Variants in PTDSS2 observed in about 807,000 individuals in gnomAD.
The protein encoded by PTDSS2 is PSS-2.
PTDSS2 carries 41 observed loss-of-function variants against 64.7 expected under a neutral mutation model. The ratio of observed to expected loss-of-function variants is 0.63; its 90% CI spans 0.49 to 0.82. The LOEUF (loss-of-function observed/expected upper bound fraction) is 0.82, where lower values mean the gene tolerates loss of function less well. Ranked by LOEUF, PTDSS2 falls within the 40% of genes least tolerant of loss-of-function variation. The pLI is 0.00. For synonymous variants in PTDSS2, 297 were observed against 277.8 expected (o/e 1.07, Z -0.69); for missense variants, 485 against 650.0 (o/e 0.75, Z 2.76).
chr11:489,820 G>C, intron 10 of PTDSS2, 63 bp from the exon 11 acceptor site: 1 of 1,548,582 alleles, frequency 6.5e-7, no homozygotes, highest in Non-Finnish European at 8.7e-7. Flanking sequence ...GCCGGAGCCT[G>C]GGCAAGTCCG....
chr11:486,723 C>T (rs1337787956), intron 4 of PTDSS2, among the ~76,000 whole-genome samples: 3 of 152,178 alleles, frequency 2.0e-5, no homozygotes, highest in Admixed American at 2.0e-4. Context: ...TGGCGGGCGC[C>T]TGTAGTCCCA....
At chr11:484,990 T>C (rs1486869313) in intron 4 of PTDSS2, among the ~76,000 whole-genome samples, 2 of 140,472 alleles carry the variant, frequency 1.4e-5, no homozygotes, top group Admixed American at 1.4e-4. Flanking sequence ...CACGGGCACG[T>C]GTGCTCACTG....
At chr11:459,590 G>C (rs1846778176) in intron 1 of PTDSS2, 1 of 153,034 alleles carries the variant, frequency 6.5e-6, no homozygotes, top group Non-Finnish European at 1.5e-5. Flanking sequence ...GGCTGGTTGT[G>C]GGCTTTTCCA....
intron 8 of PTDSS2, 80 bp downstream of exon 8, chr11:488,727 C>G: frequency 9.6e-7 from 1 of 1,044,176 alleles, no homozygotes; most frequent in South Asian, 1.3e-5. Flanking sequence ...CCAGCAGACC[C>G]CGAGCACCAG....
intron 3 of PTDSS2, among the ~76,000 whole-genome samples, chr11:474,675 G>A (rs1847639954): frequency 6.6e-6 from 1 of 152,244 alleles, no homozygotes; most frequent in Non-Finnish European, 1.5e-5. Context: ...TCAGGCTTCT[G>A]TAGGGTCGGT....
chr11:475,267 T>TTGTGATACGGCCATATTCACGCGTTTG (rs1299824249), intron 3 of PTDSS2, among the ~76,000 whole-genome samples: 1 of 149,108 alleles, frequency 6.7e-6, no homozygotes, highest in Admixed American at 6.6e-5. Context: ...ATTCACGCGT[T>TTGTGATACGGCCATATTCACGCGTTTG]TGTGATACGG....
At position 488,249 on chromosome 11, in the gene PTDSS2, C is replaced by G; in HGVS notation, c.672C>G (p.Phe224Leu). The G allele has an allele frequency of 6.2e-7, 1 of 1,613,568 alleles. No individual in the cohort carries two copies. Among genetic ancestry groups the G allele is most frequent in the Non-Finnish European group, 8.5e-7 (1 of 1,179,926 alleles). Residue 224 changes from phenylalanine to leucine, a missense_variant, in exon 7 of 12, where the codon TTC (phenylalanine) becomes TTG (leucine). By Grantham distance (22) the Phe-to-Leu change is conservative (BLOSUM62 0). Transcript: ENST00000308020. ...TGTGCATGATCATCAGCGTGATGTT[C>G]GAGTTCCTGGAGTACAGCCTGGAGC... ...WWMCMIISVM[F>L]EFLEYSLEHQ...
chr11:469,753 C>G (rs1250259319), intron 2 of PTDSS2, among the ~76,000 whole-genome samples: 1 of 152,084 alleles, frequency 6.6e-6, no homozygotes, highest in Non-Finnish European at 1.5e-5. Context: ...CTAGTGCCCT[C>G]CAGTCCACGG....
intron 2 of PTDSS2, among the ~76,000 whole-genome samples, chr11:473,237 C>G (rs1847563597): frequency 6.6e-6 from 1 of 152,262 alleles, no homozygotes; most frequent in African/African-American, 2.4e-5. Flanking sequence ...TCCCGTGAAC[C>G]TGCATCTTTG....
Position 456,035 on chromosome 11 carries a change from C to T in PTDSS2, c.183-4152C>T, listed in dbSNP as rs188558454. On this transcript the variant is annotated intron_variant, in intron 1 of 11. Coordinates refer to ENST00000308020, the MANE Select transcript of PTDSS2 (RefSeq NM_030783.3). ...GACTTGCCTGCGGGCACCACGCACA[C>T]GGCATGAAGGTGCCCTGGCCCGGGG... is the stretch of plus-strand genomic sequence containing the variant. Among the ~76,000 whole-genome samples the T allele has an allele frequency of 1.8e-3, 270 of 152,326 alleles. 1 individual carries two copies. The highest frequency in any genetic ancestry group is 2.6e-3 in the Non-Finnish European group (176 of 68,024).
chr11:452,195 T>G (rs1334466841), intron 1 of PTDSS2, among the ~76,000 whole-genome samples: 1 of 152,256 alleles, frequency 6.6e-6, no homozygotes, highest in Non-Finnish European at 1.5e-5. Context: ...GAGACCAGAC[T>G]GGCTCTTCTT....
At chr11:484,945 G>A (rs1252215897) in intron 4 of PTDSS2, among the ~76,000 whole-genome samples, 3 of 148,818 alleles carry the variant, frequency 2.0e-5, no homozygotes, top group Non-Finnish European at 3.0e-5. Context: ...ACGGGCGCGT[G>A]TGTGCTCACT....
chr11:484,613 G>A (rs567904017), intron 4 of PTDSS2, among the ~76,000 whole-genome samples: 2 of 151,920 alleles, frequency 1.3e-5, no homozygotes, highest in South Asian at 2.1e-4. Context: ...TGCTCACTGC[G>A]CAGGCATCTG....
At chr11:480,956 C>T (rs181764848) in intron 4 of PTDSS2, among the ~76,000 whole-genome samples, 30 of 152,010 alleles carry the variant, frequency 2.0e-4, no homozygotes, top group Admixed American at 1.6e-3. Flanking sequence ...TGGTCGCGGG[C>T]GCCTGTAGTC....
At chr11:451,523 G>A (rs1399906969) in intron 1 of PTDSS2, 16 of 322,808 alleles carry the variant, frequency 5.0e-5, no homozygotes, top group South Asian at 2.0e-4. Flanking sequence ...TGGAAGGCCC[G>A]GGGGCACAGG....
chr11:457,008 A>G (rs972491111), intron 1 of PTDSS2, among the ~76,000 whole-genome samples: 3 of 152,228 alleles, frequency 2.0e-5, no homozygotes, highest in African/African-American at 7.2e-5. Context: ...TGGGAGGCCA[A>G]GGTGGGCAGA....
At position 450,602 on chromosome 11, in the gene PTDSS2, C is replaced by T; in HGVS notation, c.147C>T (p.Ser49=). 8.0e-7 allele frequency: 1 copy of T among 1,243,712 alleles called. No individual in the cohort carries two copies. The highest frequency in any genetic ancestry group is 1.0e-6 in the Non-Finnish European group (1 of 986,342). The allele number at this position is 1,243,712 out of a possible 1,614,324, so 77.0% of individuals were successfully genotyped here. The part of the protein sequence containing the change: ...GPGEGRRSTE[S]EVYDDGTNTF... The stretch of plus-strand genomic sequence containing the variant: ...GCGAGGGCCGCCGCAGCACCGAGTC[C>T]GAGGTCTACGACGACGGCACCAACA... The change falls in exon 1 of 12, where the codon TCC becomes TCT. Residue 49 remains serine (S), a synonymous_variant. Coordinates refer to ENST00000308020, the MANE Select transcript of PTDSS2 (RefSeq NM_030783.3).
intron 1 of PTDSS2, among the ~76,000 whole-genome samples, chr11:457,665 C>T (rs751174915): frequency 1.1e-4 from 17 of 152,160 alleles, no homozygotes; most frequent in Non-Finnish European, 2.2e-4. Context: ...GTTTGTTTCC[C>T]GTTTTAGGTT....
intron 1 of PTDSS2, chr11:459,763 G>A (rs1029222068): frequency 1.1e-5 from 2 of 187,736 alleles, no homozygotes; most frequent in African/African-American, 4.7e-5. Context: ...CTCAGCTCTT[G>A]GTGTCTTGGG....
Sources: gnomAD v4.1 joint callset for allele counts (sites outside exome capture counted in the v4.1 genomes callset) on GRCh38, gnomAD v4.1.1 for gene constraint, MANE v1.5 for transcripts, NCBI Gene and HGNC (gene_info 2026-07-23, HGNC 2026-07-21) for gene names.